The following MLLT1 variants were observed in gnomAD, a reference collection of about 807,000 sequenced individuals.
MLLT1 encodes the protein protein ENL.
Under a neutral mutation model 55.1 loss-of-function variants are expected in MLLT1, and 11 were observed. The ratio of observed to expected loss-of-function variants is 0.20; its 90% CI spans 0.13 to 0.33. The LOEUF (loss-of-function observed/expected upper bound fraction) is 0.33. Among genes scored for constraint, MLLT1 ranks in the 10% least tolerant of loss-of-function variants. The probability of loss-of-function intolerance (pLI) is 1.00; values close to 1 mark genes in which losing one functional copy is unlikely to be tolerated. For synonymous variants in MLLT1, 323 were observed against 320.1 expected, an observed-to-expected ratio of 1.01 and a Z score of -0.10; for missense variants, 536 against 760.6, an observed-to-expected ratio of 0.70 and a Z score of 3.47.
Position 6,260,084 on chromosome 19 carries a change from G to A in MLLT1, c.276+2144C>T, listed in dbSNP as rs375023551. ...CAACAGGAGCTCTAGAGGAACATGG[G>A]GTCCCATGCCCCCCATGCAACTACA... On this transcript the variant is annotated intron_variant, in intron 3 of 11. Transcript: ENST00000252674. Among the ~76,000 whole-genome samples, 17 of 152,178 alleles carry A rather than the reference G, an allele frequency of 1.1e-4. No individual in the cohort carries two copies. In the East Asian group the frequency reaches 2.9e-3, roughly 26 times the overall value.
chr19:6,214,026 G>T lies in MLLT1; in HGVS notation c.1320C>A (p.Ser440Arg). The T allele has an allele frequency of 1.4e-6, 2 of 1,446,582 alleles. No individual in the cohort carries two copies. Among genetic ancestry groups the T allele is most frequent in the East Asian group, 2.5e-5 (1 of 40,138 alleles). The allele number at this position is 1,446,582 out of a possible 1,614,324, so 89.6% of individuals were successfully genotyped here. ...NPGRDSRLSFSDSESDNSADS... is the reference protein window; with the variant it reads ...NPGRDSRLSFRDSESDNSADS... ...CGGCGCTGTTGTCACTCTCGCTGTCGCTGAAGCTCAACCTGAACCGACACA... is the reference window on the plus strand; with the variant it reads ...CGGCGCTGTTGTCACTCTCGCTGTCTCTGAAGCTCAACCTGAACCGACACA... Residue 440 changes from serine (S) to arginine (R), a missense_variant, in exon 9 of 12, where the codon AGC becomes AGA. Physicochemically the swap from Ser to Arg is moderately radical, Grantham distance 110. Coordinates refer to ENST00000252674, the MANE Select transcript of MLLT1 (RefSeq NM_005934.4).
chr19:6,244,572 T>C (rs1426908610), intron 3 of MLLT1, among the ~76,000 whole-genome samples: 1 of 151,978 alleles, frequency 6.6e-6, no homozygotes, highest in African/African-American at 2.4e-5. Flanking sequence ...AAAACAACAG[T>C]AAGACGTCCA....
chr19:6,245,208 C>CCTTTCTTT (rs145860967), intron 3 of MLLT1, among the ~76,000 whole-genome samples: 12 of 149,666 alleles, frequency 8.0e-5, no homozygotes, highest in Admixed American at 6.6e-4. Flanking sequence ...TTCTTTTTTT[C>CCTTTCTTT]CTTTCTTTCT....
Position 6,227,640 on chromosome 19 carries a change from G to A in MLLT1, c.421-538C>T, listed in dbSNP as rs564871350. ...GGGCAAGAGCACCCAGGCTGAGGCC[G>A]AGACCAAGGCAGACGACCTGTGCCT... On this transcript the variant is annotated intron_variant, in intron 4 of 11. Transcript: ENST00000252674. The surrounding 1 kb of genome is among the most constrained non-coding windows in gnomAD (Gnocchi z 5.1). 9.7e-4 allele frequency among the ~76,000 whole-genome samples: 147 copies of A among 152,322 alleles called. 1 individual carries two copies. Among genetic ancestry groups the A allele is most frequent in the African/African-American group, 3.2e-3 (131 of 41,568 alleles).
At position 6,272,165 on chromosome 19, in the gene MLLT1, G is replaced by C. The variant is rs371374375; in HGVS notation, c.13-1406C>G. ...CGAGCCCCGCGCACGTCTTCCACGC[G>C]TGTATTTCCTCAAGTCTGAGACGCT... On this transcript the variant is annotated intron_variant, in intron 1 of 11. Transcript: ENST00000252674. 2.0e-5 allele frequency among the ~76,000 whole-genome samples: 3 copies of C among 148,746 alleles called. No individual in the cohort carries two copies. The South Asian group carries it at 6.4e-4, about 32-fold the overall frequency.
At chr19:6,216,548 G>A in intron 7 of MLLT1, 35 bp from the exon 8 acceptor site, 1 of 1,467,778 alleles carries the variant, frequency 6.8e-7, no homozygotes, top group Non-Finnish European at 9.3e-7. Flanking sequence ...GGGGAGACAA[G>A]GGCAGGGCTC....
chr19:6,242,504 T>TGG (rs2091124388), intron 3 of MLLT1, among the ~76,000 whole-genome samples: 1 of 152,166 alleles, frequency 6.6e-6, no homozygotes, highest in African/African-American at 2.4e-5. Flanking sequence ...TTGCAGGGGT[T>TGG]GGGGAGGAGG....
chr19:6,243,535 G>A (rs1257245006), intron 3 of MLLT1, among the ~76,000 whole-genome samples: 3 of 152,178 alleles, frequency 2.0e-5, no homozygotes, highest in East Asian at 3.9e-4. Flanking sequence ...CAGAGCTTAC[G>A]CCCAAAGAGG....
chr19:6,213,571 A>C lies in MLLT1; in HGVS notation c.1479+155T>G, dbSNP rs561333199. ...CTGCAGGGGCAGCCCCTCAGCTCCA[A>C]GGCCACACCGGGAGGGGAGGAAGGA... On this transcript the variant is annotated intron_variant, in intron 10 of 11. Transcript: ENST00000252674. Among the ~76,000 whole-genome samples, 4 of 152,210 alleles carry C rather than the reference A, an allele frequency of 2.6e-5. No homozygotes were observed. In the South Asian group the frequency reaches 8.3e-4, roughly 32 times the overall value.
Position 6,213,114 on chromosome 19 carries a change from G to C in MLLT1, c.1608C>G (p.Asp536Glu). The C allele has an allele frequency of 6.2e-7, 1 of 1,614,046 alleles. No individual in the cohort carries two copies. The highest frequency in any genetic ancestry group is 8.5e-7 in the Non-Finnish European group (1 of 1,179,914). The change falls in exon 12 of 12, where the codon GAC becomes GAG. Residue 536 changes from aspartate (D) to glutamate (E), a missense_variant. By Grantham distance (45) the Asp-to-Glu change is conservative. Transcript: ENST00000252674. ...TCTCGTCCAGGGAGAAGAGGTCGAAGTCGAAGGTGGTGTTGGTGACATTGA... is the reference window on the plus strand; with the variant it reads ...TCTCGTCCAGGGAGAAGAGGTCGAACTCGAAGGTGGTGTTGGTGACATTGA... Reference protein sequence around the residue: ...GHFNVTNTTFDFDLFSLDETT... With the variant: ...GHFNVTNTTFEFDLFSLDETT...
rs1244292345 is a variant in MLLT1, at chr19:6,230,071, A to T, written c.420+499T>A. Among the ~76,000 whole-genome samples the T allele has an allele frequency of 6.6e-6, 1 of 151,756 alleles. No homozygotes were observed. Among genetic ancestry groups the T allele is most frequent in the East Asian group, 1.9e-4 (1 of 5,156 alleles). Reference sequence around the variant, plus strand: ...CCTGTTGCCAAGAGCCCTCGTGGGGAACTCTGAGCCCCCACAGGGTCCGGA... The same window carrying T: ...CCTGTTGCCAAGAGCCCTCGTGGGGTACTCTGAGCCCCCACAGGGTCCGGA... On this transcript the variant is annotated intron_variant, in intron 4 of 11. Coordinates refer to ENST00000252674, the MANE Select transcript of MLLT1 (RefSeq NM_005934.4). The surrounding 1 kb of genome is among the most constrained non-coding windows in gnomAD (Gnocchi z 9.0).
At chr19:6,220,089 G>A (rs1028055389) in intron 6 of MLLT1, among the ~76,000 whole-genome samples, 4 of 152,220 alleles carry the variant, frequency 2.6e-5, no homozygotes, top group Admixed American at 2.0e-4. Flanking sequence ...GTGGGAGCTC[G>A]GCTCGGGGAC....
intron 7 of MLLT1, 55 bp downstream of exon 7, chr19:6,217,899 A>C: frequency 6.5e-7 from 1 of 1,546,826 alleles, no homozygotes; most frequent in Non-Finnish European, 8.7e-7. Flanking sequence ...ATGTGGCCTG[A>C]GCTCCAGGCC....
chr19:6,211,919 C>G lies in MLLT1; in HGVS notation c.*1123G>C. On this transcript the variant is annotated 3_prime_UTR_variant, in exon 12 of 12. Transcript: ENST00000252674. This position sits in a 1 kb window ranked among gnomAD's most constrained non-coding sequence, Gnocchi z 4.6. ...AGGCCGGGGCGGGCCAGGCCGCGACCAGAGAGAAAGGCAGCCTGGGAGGGC... is the reference window on the plus strand; with the variant it reads ...AGGCCGGGGCGGGCCAGGCCGCGACGAGAGAGAAAGGCAGCCTGGGAGGGC... 1 of 1,065,038 alleles carries G rather than the reference C, an allele frequency of 9.4e-7. No homozygotes were observed. The highest frequency in any genetic ancestry group is 1.1e-6 in the Non-Finnish European group (1 of 879,030). 66.0% of individuals were successfully genotyped at this position (1,065,038 alleles called of 1,614,324 possible).
At position 6,222,617 on chromosome 19, in the gene MLLT1, G is replaced by A; in HGVS notation, c.614C>T (p.Pro205Leu). The A allele has an allele frequency of 6.3e-7, 1 of 1,591,524 alleles. No homozygotes were observed. The highest frequency in any genetic ancestry group is 2.2e-5 in the East Asian group (1 of 44,582). ...HKVTKEHRERPRKDSESKSSS... is the reference protein window; with the variant it reads ...HKVTKEHRERLRKDSESKSSS... Reference sequence around the variant, plus strand: ...GCTCTTGCTCTCGGAGTCTTTGCGGGGCCGCTCCCGGTGCTCCTTGGTCAC... The same window carrying A: ...GCTCTTGCTCTCGGAGTCTTTGCGGAGCCGCTCCCGGTGCTCCTTGGTCAC... Residue 205 changes from proline (P) to leucine (L), a missense_variant, in exon 6 of 12, where the codon CCC (proline) becomes CTC (leucine). Physicochemically the swap from Pro to Leu is moderately conservative, Grantham distance 98. Transcript: ENST00000252674. The surrounding 1 kb of genome is among the most constrained non-coding windows in gnomAD (Gnocchi z 4.1).
chr19:6,219,628 G>A lies in MLLT1; in HGVS notation c.1111-1587C>T, dbSNP rs369663632. ...CAAGGCTAGTCCTCCCTTGACCTCC[G>A]GATGGAATCCCTGGGGCAGAGGGGT... On this transcript the variant is annotated intron_variant, in intron 6 of 11. Coordinates refer to ENST00000252674, the MANE Select transcript of MLLT1 (RefSeq NM_005934.4). The surrounding 1 kb of genome is among the most constrained non-coding windows in gnomAD (Gnocchi z 4.5). 1.1e-4 allele frequency among the ~76,000 whole-genome samples: 16 copies of A among 152,196 alleles called. No homozygotes were observed. The highest frequency in any genetic ancestry group is 3.4e-4 in the African/African-American group (14 of 41,438).
Position 6,270,532 on chromosome 19 carries a change from G to A in MLLT1, c.193+47C>T, listed in dbSNP as rs760722894. ...GGAGCCTGGCCTTGGGAGGAGTGAA[G>A]ACAGATGGGTCCGTGCTGTGGGCAC... On this transcript the variant is annotated intron_variant, in intron 2 of 11. Coordinates refer to ENST00000252674, the MANE Select transcript of MLLT1 (RefSeq NM_005934.4). The surrounding 1 kb of genome is among the most constrained non-coding windows in gnomAD (Gnocchi z 7.1). 8 of 1,563,542 alleles carry A rather than the reference G, an allele frequency of 5.1e-6. No homozygotes were observed. In the South Asian group the frequency reaches 8.4e-5, roughly 16 times the overall value.
intron 3 of MLLT1, among the ~76,000 whole-genome samples, chr19:6,233,101 TGA>T (rs1261159292): frequency 1.3e-5 from 2 of 152,022 alleles, no homozygotes; most frequent in Non-Finnish European, 2.9e-5. Flanking sequence ...TCAGTCCTGG[TGA>T]GAGGGGACAG....
At chr19:6,233,531 TAA>T (rs1161098368) in intron 3 of MLLT1, among the ~76,000 whole-genome samples, 2 of 152,060 alleles carry the variant, frequency 1.3e-5, no homozygotes, top group African/African-American at 4.8e-5. Flanking sequence ...CAGGCTTGGG[TAA>T]GGACATGGAA....
Sources: allele counts gnomAD v4.1 joint callset (sites outside exome capture counted in the v4.1 genomes callset), GRCh38; gene constraint gnomAD v4.1.1; non-coding constraint Gnocchi (gnomAD v3.1); transcripts MANE v1.5; gene names NCBI Gene and HGNC (gene_info 2026-07-23, HGNC 2026-07-21).